KCTD8: variants seen among roughly 807,000 people sequenced by gnomAD.
KCTD8 encodes BTB/POZ domain-containing protein KCTD8.
A neutral mutation model predicts 31.5 loss-of-function variants in KCTD8; 27 were observed. The observed-to-expected ratio is 0.86, with a 90% CI of 0.63 to 1.18. KCTD8 has a LOEUF of 1.18. Among genes scored for constraint, KCTD8 ranks in the 50% most tolerant of loss-of-function variants. The pLI is 0.00. For synonymous variants in KCTD8, 290 were observed against 280.0 expected (o/e 1.04, Z -0.36); for missense variants, 658 against 647.7 (o/e 1.02, Z -0.17).
At chr4:44,445,930 A>T (rs1172039736) in intron 1 of KCTD8, among the ~76,000 whole-genome samples, 2 of 152,260 alleles carry the variant, frequency 1.3e-5, no homozygotes, top group African/African-American at 4.8e-5. Flanking sequence ...TGTCAATTTT[A>T]TACAAGCAAT....
intron 1 of KCTD8, among the ~76,000 whole-genome samples, chr4:44,252,489 G>T (rs539955544): frequency 6.6e-6 from 1 of 151,828 alleles, no homozygotes; most frequent in Admixed American, 6.6e-5. Flanking sequence ...CAATGTAGAA[G>T]TGTTCCCTTT....
At chr4:44,268,774 T>C (rs1577584767) in intron 1 of KCTD8, among the ~76,000 whole-genome samples, 2 of 152,006 alleles carry the variant, frequency 1.3e-5, no homozygotes, top group Non-Finnish European at 2.9e-5. Context: ...AAATCATGAG[T>C]GAACTCCCAT....
intron 1 of KCTD8, among the ~76,000 whole-genome samples, chr4:44,372,674 A>G (rs1286680970): frequency 6.6e-6 from 1 of 152,190 alleles, no homozygotes; most frequent in Non-Finnish European, 1.5e-5. Flanking sequence ...TTAAAAAAAC[A>G]TACTTCACTC....
chr4:44,364,451 C>T (rs537226958), intron 1 of KCTD8, among the ~76,000 whole-genome samples: 3 of 152,172 alleles, frequency 2.0e-5, no homozygotes, highest in South Asian at 2.1e-4. Flanking sequence ...AAGAATATGG[C>T]GCAACAGGAA....
chr4:44,358,086 C>A, intron 1 of KCTD8, among the ~76,000 whole-genome samples: 1 of 151,750 alleles, frequency 6.6e-6, no homozygotes, highest in East Asian at 1.9e-4. Flanking sequence ...ACGATGTTTC[C>A]TTCCCTGTGT....
At chr4:44,337,858 T>C (rs1718797705) in intron 1 of KCTD8, among the ~76,000 whole-genome samples, 1 of 151,938 alleles carries the variant, frequency 6.6e-6, no homozygotes, top group Non-Finnish European at 1.5e-5. Flanking sequence ...ACAGGAATAG[T>C]ACTAATATTT....
intron 1 of KCTD8, among the ~76,000 whole-genome samples, chr4:44,424,118 T>C (rs1721288106): frequency 6.6e-6 from 1 of 152,114 alleles, no homozygotes; most frequent in Non-Finnish European, 1.5e-5. Context: ...ACAATGGATG[T>C]CATTATCATG....
chr4:44,178,830 T>C (rs915045001), intron 1 of KCTD8, among the ~76,000 whole-genome samples: 3 of 152,166 alleles, frequency 2.0e-5, no homozygotes, highest in Admixed American at 1.3e-4. Flanking sequence ...ATTTGTGTCT[T>C]GAAAACTAAC....
chr4:44,175,210 T>C lies in KCTD8; in HGVS notation c.1002A>G (p.Glu334=), dbSNP rs1713171990. Residue 334 remains glutamate (E), a synonymous_variant, in exon 2 of 2, where the codon GAA becomes GAG. Transcript: ENST00000360029. ...CAGTGACTTTGTCATGTTTCCTATC[T>C]TCATGTTCTTGTTTAGGTGATACTA... ...QKIVSPKQEH[E]DRKHDKVTDK... is the part of the protein sequence containing the mutation. 6.3e-7 allele frequency: 1 copy of C among 1,599,930 alleles called. No homozygotes were observed. Among genetic ancestry groups the C allele is most frequent in the Non-Finnish European group, 8.5e-7 (1 of 1,173,700 alleles).
In KCTD8 at chr4:44,416,863, T is replaced by C. The variant is rs576504604; in HGVS notation, c.961+30700A>G. 1.1e-4 allele frequency among the ~76,000 whole-genome samples: 16 copies of C among 152,346 alleles called. No individual in the cohort carries two copies. In the East Asian group the frequency reaches 1.2e-3, roughly 11 times the overall value. ...ATGCAAGAATGAATTAACACATTTA[T>C]GTTGTAAGTCATTCAAAATGTTTTT... On this transcript the variant is annotated intron_variant, in intron 1 of 1. Transcript: ENST00000360029.
intron 1 of KCTD8, among the ~76,000 whole-genome samples, chr4:44,374,445 A>G (rs1035341444): frequency 3.9e-5 from 6 of 152,142 alleles, no homozygotes; most frequent in African/African-American, 1.4e-4. Context: ...CCATATCACT[A>G]ATAAGGTTGT....
intron 1 of KCTD8, among the ~76,000 whole-genome samples, chr4:44,249,503 T>C (rs554968829): frequency 6.6e-6 from 1 of 151,982 alleles, no homozygotes; most frequent in African/African-American, 2.4e-5. Flanking sequence ...CCATAAGGTC[T>C]CAGTCACAAT....
At chr4:44,415,483 A>T (rs535930182) in intron 1 of KCTD8, among the ~76,000 whole-genome samples, 1 of 152,274 alleles carries the variant, frequency 6.6e-6, no homozygotes, top group South Asian at 2.1e-4. Context: ...GGCAGTCTTC[A>T]AGTCTTCTAG....
At chr4:44,393,411 T>G (rs1720418501) in intron 1 of KCTD8, among the ~76,000 whole-genome samples, 1 of 151,696 alleles carries the variant, frequency 6.6e-6, no homozygotes, top group Non-Finnish European at 1.5e-5. Context: ...CTCACACTAG[T>G]GGGTCTAAAT....
At chr4:44,200,955 T>C (rs1337514807) in intron 1 of KCTD8, among the ~76,000 whole-genome samples, 1 of 152,014 alleles carries the variant, frequency 6.6e-6, no homozygotes, top group Non-Finnish European at 1.5e-5. Context: ...ACAACTTCAA[T>C]AAAGTTTCAG....
intron 1 of KCTD8, among the ~76,000 whole-genome samples, chr4:44,415,840 A>G (rs532013372): frequency 6.6e-6 from 1 of 152,266 alleles, no homozygotes; most frequent in Admixed American, 6.5e-5. Flanking sequence ...CCCACAAAAG[A>G]CTGTACCAGG....
chr4:44,264,019 G>A (rs575681992), intron 1 of KCTD8, among the ~76,000 whole-genome samples: 1 of 152,270 alleles, frequency 6.6e-6, no homozygotes, highest in East Asian at 1.9e-4. Context: ...CTCAAAGTAA[G>A]TTATCTCCTT....
intron 1 of KCTD8, among the ~76,000 whole-genome samples, chr4:44,363,670 C>A (rs1719558427): frequency 6.6e-6 from 1 of 152,126 alleles, no homozygotes; most frequent in Non-Finnish European, 1.5e-5. Flanking sequence ...TGCCAGGGAT[C>A]TCTATCCTAG....
chr4:44,301,965 T>C (rs1717637499), intron 1 of KCTD8, among the ~76,000 whole-genome samples: 1 of 152,196 alleles, frequency 6.6e-6, no homozygotes, highest in African/African-American at 2.4e-5. Context: ...CACCATTTAT[T>C]AAATAGGGAA....
Sources: allele counts gnomAD v4.1 joint callset (sites outside exome capture counted in the v4.1 genomes callset), GRCh38; gene constraint gnomAD v4.1.1; transcripts MANE v1.5; gene names NCBI Gene and HGNC (gene_info 2026-07-23, HGNC 2026-07-21).